The following NRXN3 variants were observed in gnomAD, a reference collection of about 807,000 sequenced individuals.
The protein encoded by NRXN3 is neurexin 3, also known as neurexin III.
In NRXN3, 32 loss-of-function variants were observed where a neutral mutation model predicts 137.6. The ratio of observed to expected loss-of-function variants is 0.23; its 90% CI spans 0.18 to 0.31. The LOEUF is 0.31. Ranked by LOEUF, NRXN3 falls within the 10% of genes least tolerant of loss-of-function variation. The pLI is 1.00. For missense variants in NRXN3, 1,574 were observed against 2,062.5 expected (o/e 0.76, Z 4.59); for synonymous variants, 798 against 784.5 (o/e 1.02, Z -0.29).
chr14:79,594,241 A>G (rs2097840673), intron 16 of NRXN3, among the ~76,000 whole-genome samples: 1 of 152,162 alleles, frequency 6.6e-6, no homozygotes, highest in Admixed American at 6.5e-5. Flanking sequence ...ATGCATTGAT[A>G]TTTTAGTGGA....
chr14:79,511,752 GAT>G (rs2096934550), intron 16 of NRXN3, among the ~76,000 whole-genome samples: 1 of 152,104 alleles, frequency 6.6e-6, no homozygotes, highest in African/African-American at 2.4e-5. Flanking sequence ...TGTTTTCTCT[GAT>G]TTCAGACCCC....
At chr14:78,314,466 T>C (rs531198899) in intron 4 of NRXN3, among the ~76,000 whole-genome samples, 1 of 152,304 alleles carries the variant, frequency 6.6e-6, no homozygotes, top group African/African-American at 2.4e-5. Context: ...TGTAGCTTTG[T>C]CATTTTCTGG....
chr14:78,325,670 G>GT (rs1242876808), intron 4 of NRXN3, among the ~76,000 whole-genome samples: 2 of 151,826 alleles, frequency 1.3e-5, no homozygotes, highest in Non-Finnish European at 2.9e-5. Flanking sequence ...AGCATAGGGT[G>GT]TAAAAAAAAA....
chr14:79,807,917 G>A (rs1039015645), intron 20 of NRXN3, among the ~76,000 whole-genome samples: 1 of 152,154 alleles, frequency 6.6e-6, no homozygotes, highest in Non-Finnish European at 1.5e-5. Flanking sequence ...GATATTCCTA[G>A]TAATGCAGAG....
At chr14:79,058,619 TA>T (rs1262940332) in intron 15 of NRXN3, among the ~76,000 whole-genome samples, 1 of 152,182 alleles carries the variant, frequency 6.6e-6, no homozygotes, top group Non-Finnish European at 1.5e-5. Context: ...AGCTAGTCCC[TA>T]TGCTGTTGTC....
At chr14:79,435,768 G>T (rs2095837890) in intron 15 of NRXN3, among the ~76,000 whole-genome samples, 1 of 151,976 alleles carries the variant, frequency 6.6e-6, no homozygotes, top group Non-Finnish European at 1.5e-5. Flanking sequence ...CTGAGGAGCT[G>T]GGACTATAGG....
At chr14:79,584,909 A>G (rs1233227399) in intron 16 of NRXN3, among the ~76,000 whole-genome samples, 6 of 152,210 alleles carry the variant, frequency 3.9e-5, no homozygotes, top group Admixed American at 6.5e-5. Flanking sequence ...CTCCCAAACA[A>G]AAGTGGGAAA....
At chr14:79,825,115 G>C (rs888623116) in intron 20 of NRXN3, among the ~76,000 whole-genome samples, 1 of 149,758 alleles carries the variant, frequency 6.7e-6, no homozygotes, top group African/African-American at 2.5e-5. Context: ...GACTTCATTT[G>C]TTTACCAGGC....
intron 20 of NRXN3, among the ~76,000 whole-genome samples, chr14:79,808,251 A>ATATAT (rs1195356128): frequency 6.0e-5 from 8 of 133,770 alleles, no homozygotes; most frequent in East Asian, 4.2e-4. Flanking sequence ...AAAAAAAAAA[A>ATATAT]AAAAATATAT....
intron 15 of NRXN3, among the ~76,000 whole-genome samples, chr14:79,070,337 G>A (rs950074111): frequency 2.0e-5 from 3 of 152,132 alleles, no homozygotes; most frequent in African/African-American, 7.2e-5. Flanking sequence ...GAGTAAGAAA[G>A]AAATTAAAAA....
chr14:79,267,485 G>A (rs2078619820), intron 15 of NRXN3, among the ~76,000 whole-genome samples: 6 of 151,768 alleles, frequency 4.0e-5, no homozygotes, highest in Admixed American at 3.3e-4. Context: ...AGCTTCCCTA[G>A]TAGCTGGGAT....
intron 15 of NRXN3, among the ~76,000 whole-genome samples, chr14:79,269,150 C>T (rs576257894): frequency 3.9e-5 from 6 of 152,142 alleles, no homozygotes; most frequent in South Asian, 4.2e-4. Flanking sequence ...CCCGGGTTCA[C>T]GCCATTCTCC....
chr14:79,780,030 T>A (rs1328575686), intron 19 of NRXN3, among the ~76,000 whole-genome samples: 3 of 152,044 alleles, frequency 2.0e-5, no homozygotes. Context: ...ACGCCCACCC[T>A]TCTCTATAAT....
chr14:79,118,754 AT>A (rs1345295330), intron 15 of NRXN3, among the ~76,000 whole-genome samples: 4 of 93,862 alleles, frequency 4.3e-5, no homozygotes, highest in Admixed American at 4.0e-4. Context: ...TGTATATAAT[AT>A]TGTAAACCTT....
At chr14:79,623,723 T>C (rs980102559) in intron 16 of NRXN3, among the ~76,000 whole-genome samples, 2 of 152,218 alleles carry the variant, frequency 1.3e-5, no homozygotes, top group African/African-American at 4.8e-5. Flanking sequence ...CTATCACCCA[T>C]TAACTGCCAT....
rs145451685 is a variant in NRXN3 at position 79,134,552 on chromosome 14, A to G, written c.3262+146411A>G. On this transcript the variant is annotated intron_variant, in intron 15 of 20. Coordinates refer to ENST00000335750, the MANE Select transcript of NRXN3 (RefSeq NM_001330195.2). ...ACCATTGGGGAAGTTGCAGTGTTAC[A>G]TAATGCTATGCTTCTCATTGCCATA... Among the ~76,000 whole-genome samples, 212 of 152,330 alleles carry G rather than the reference A, an allele frequency of 1.4e-3. 2 individuals carry two copies. The highest frequency in any genetic ancestry group is 5.0e-3 in the African/African-American group (208 of 41,574).
chr14:78,752,020 A>C (rs930941962), intron 8 of NRXN3, among the ~76,000 whole-genome samples: 1 of 152,220 alleles, frequency 6.6e-6, no homozygotes, highest in African/African-American at 2.4e-5. Context: ...ATCTCAGCAG[A>C]AACCGAAGTC....
intron 16 of NRXN3, among the ~76,000 whole-genome samples, chr14:79,542,774 A>C (rs1396358652): frequency 6.6e-6 from 1 of 152,204 alleles, no homozygotes; most frequent in East Asian, 1.9e-4. Flanking sequence ...CAGAACAAAC[A>C]ATCTTCTTTT....
At chr14:78,345,270 G>A (rs567877909) in intron 4 of NRXN3, among the ~76,000 whole-genome samples, 2 of 152,202 alleles carry the variant, frequency 1.3e-5, no homozygotes, top group South Asian at 2.1e-4. Flanking sequence ...AAGGGCACCC[G>A]GGTTTATGGC....
Sources: gnomAD v4.1 joint callset for allele counts (sites outside exome capture counted in the v4.1 genomes callset) on GRCh38, gnomAD v4.1.1 for gene constraint, MANE v1.5 for transcripts, NCBI Gene and HGNC (gene_info 2026-07-23, HGNC 2026-07-21) for gene names.